The following TG variants were observed in gnomAD, a reference collection of about 807,000 sequenced individuals.
The protein encoded by TG is thyroglobulin, also known as thyroid hormones.
Under a neutral mutation model 324.7 loss-of-function variants are expected in TG, and 270 were observed. The observed-to-expected ratio is 0.83, with a 90% confidence interval of 0.75 to 0.92. The LOEUF (loss-of-function observed/expected upper bound fraction) is 0.92, where lower values mean the gene tolerates loss of function less well. Ranked by LOEUF, TG falls within the 40% of genes least tolerant of loss-of-function variation. TG has a pLI of 0.00. For synonymous variants in TG, 1,401 were observed against 1,327.0 expected, an observed-to-expected ratio of 1.06 and a Z score of -1.21; for missense variants, 3,591 against 3,456.4, an observed-to-expected ratio of 1.04 and a Z score of -0.98.
intron 43 of TG, chr8:133,102,552 C>G: frequency 3.9e-6 from 6 of 1,551,652 alleles, no homozygotes; most frequent in Non-Finnish European, 5.2e-6. Context: ...TAGCAACCTA[C>G]CGGTGGAGCA....
chr8:132,930,039 C>A (rs1471025262), intron 23 of TG, among the ~76,000 whole-genome samples: 2 of 152,206 alleles, frequency 1.3e-5, no homozygotes, highest in East Asian at 3.9e-4. Context: ...TCTATTTTTG[C>A]CATTTTAACA....
chr8:132,996,539 A>C (rs1481204205), intron 35 of TG, among the ~76,000 whole-genome samples: 1 of 135,600 alleles, frequency 7.4e-6, no homozygotes. Flanking sequence ...TTCTATTGCC[A>C]ATTTTTTTTT....
Position 132,913,071 on chromosome 8 carries a change from T to G in TG, c.4184T>G (p.Leu1395Arg), listed in dbSNP as rs761267740. Residue 1395 changes from leucine (L) to arginine (R), a missense_variant, in exon 20 of 48, where the codon CTC becomes CGC. By Grantham distance (102) the Leu-to-Arg change is moderately radical. Coordinates refer to ENST00000220616, the MANE Select transcript of TG (RefSeq NM_003235.5). ...GAGAGAGCCTTGGTGGGCAAGGATC[T>G]CCTTGGGCGCTTCACAGATCTGATC... is the stretch of plus-strand genomic sequence containing the variant. The part of the protein sequence containing the change: ...DIERALVGKD[L>R]LGRFTDLIQS... The G allele has an allele frequency of 6.2e-7, 1 of 1,614,192 alleles. No homozygotes were observed.
Position 132,886,345 on chromosome 8 carries a change from A to T in TG, c.1076-103A>T, listed in dbSNP as rs533594047. 8 of 1,500,916 alleles carry T rather than the reference A, an allele frequency of 5.3e-6. No individual in the cohort carries two copies. In the African/African-American group the frequency reaches 5.5e-5, roughly 10 times the overall value. 93.0% of individuals were successfully genotyped at this position (1,500,916 alleles called of 1,614,324 possible). On this transcript the variant is annotated intron_variant, in intron 8 of 47. Coordinates refer to ENST00000220616, the MANE Select transcript of TG (RefSeq NM_003235.5). Reference sequence around the variant, plus strand: ...GTGGTTTCAAACGTAGGTGTCCTTGATTGAATGTTCTGGCTTCTTACTACC... The same window carrying T: ...GTGGTTTCAAACGTAGGTGTCCTTGTTTGAATGTTCTGGCTTCTTACTACC...
intron 35 of TG, among the ~76,000 whole-genome samples, chr8:132,988,484 A>G (rs2130743303): frequency 6.6e-6 from 1 of 152,302 alleles, no homozygotes; most frequent in East Asian, 1.9e-4. Context: ...CAGGGCTTGA[A>G]GCAGTGGAAC....
At chr8:133,025,334 A>G (rs1027063042) in intron 40 of TG, among the ~76,000 whole-genome samples, 2 of 152,254 alleles carry the variant, frequency 1.3e-5, no homozygotes, top group African/African-American at 4.8e-5. Flanking sequence ...CAAAGGGGCC[A>G]GCCCTTGATC....
intron 35 of TG, among the ~76,000 whole-genome samples, chr8:132,993,385 G>A (rs940331035): frequency 6.6e-6 from 1 of 152,200 alleles, no homozygotes; most frequent in African/African-American, 2.4e-5. Flanking sequence ...ACCTTGGCCA[G>A]TTTAAAGAAT....
chr8:132,972,813 T>C, intron 34 of TG, 72 bp downstream of exon 34: 2 of 1,588,484 alleles, frequency 1.3e-6, no homozygotes, highest in Non-Finnish European at 8.6e-7. Context: ...ATTAGGACAA[T>C]ATTCTTGGAT....
chr8:132,884,417 G>A (rs1370293888), intron 8 of TG, among the ~76,000 whole-genome samples: 1 of 152,192 alleles, frequency 6.6e-6, no homozygotes, highest in East Asian at 1.9e-4. Flanking sequence ...AAGCTGGGTA[G>A]ATTTTAAAAG....
chr8:133,009,209 C>T (rs147131764), intron 35 of TG, among the ~76,000 whole-genome samples: 3 of 152,322 alleles, frequency 2.0e-5, no homozygotes, highest in East Asian at 1.9e-4. Context: ...GCCCTAAAAC[C>T]CTTTCATAGA....
intron 8 of TG, chr8:132,883,366 T>G: frequency 3.5e-6 from 1 of 284,070 alleles, no homozygotes; most frequent in Non-Finnish European, 6.8e-6. Context: ...TTAGGAAGAA[T>G]GCATGGAAGA....
intron 46 of TG, 58 bp from the exon 47 acceptor site, chr8:133,133,412 G>C: frequency 2.0e-6 from 3 of 1,538,088 alleles, no homozygotes; most frequent in Non-Finnish European, 2.7e-6. Flanking sequence ...AGTGATTCAG[G>C]TGATGAAAGG....
In TG at chr8:132,977,725, C is replaced by T. The variant is rs535990853; in HGVS notation, c.6199+4984C>T. ...AGAATAGCACGGGAAAGACCCACTC[C>T]CATGATTCAATCATCTCCCACCAGG... On this transcript the variant is annotated intron_variant, in intron 34 of 47. Coordinates refer to ENST00000220616, the MANE Select transcript of TG (RefSeq NM_003235.5). 2.0e-5 allele frequency among the ~76,000 whole-genome samples: 3 copies of T among 152,272 alleles called. 1 individual carries two copies. In the South Asian group the frequency reaches 6.2e-4, roughly 32 times the overall value.
chr8:132,989,198 C>T (rs1271706113), intron 35 of TG, among the ~76,000 whole-genome samples: 1 of 152,174 alleles, frequency 6.6e-6, no homozygotes, highest in Non-Finnish European at 1.5e-5. Flanking sequence ...TGGGTCCCTC[C>T]CACAACACGT....
chr8:133,089,487 C>T (rs1478807447), intron 41 of TG, among the ~76,000 whole-genome samples: 2 of 152,206 alleles, frequency 1.3e-5, no homozygotes, highest in Non-Finnish European at 2.9e-5. Flanking sequence ...ATGGATTCCT[C>T]ATTGCCCGTT....
intron 5 of TG, among the ~76,000 whole-genome samples, chr8:132,878,524 G>T (rs910431058): frequency 6.6e-6 from 1 of 151,010 alleles, no homozygotes; most frequent in African/African-American, 2.4e-5. Flanking sequence ...GCTGAGGCAG[G>T]AGAATCACTT....
chr8:133,026,130 C>A (rs1443828396), intron 40 of TG, among the ~76,000 whole-genome samples: 1 of 152,222 alleles, frequency 6.6e-6, no homozygotes, highest in East Asian at 1.9e-4. Flanking sequence ...AGAGCTGCCT[C>A]CTGATCTCAG....
At position 132,951,641 on chromosome 8, in the gene TG, G is replaced by A. The variant is rs182904074; in HGVS notation, c.5401+2698G>A. Among the ~76,000 whole-genome samples the A allele has an allele frequency of 1.3e-3, 191 of 152,218 alleles. 1 individual carries two copies. The highest frequency in any genetic ancestry group is 2.2e-3 in the Non-Finnish European group (150 of 68,012). ...ATATGTGTGTGTGTATTGTGGGTGA[G>A]GGCAAGGCTTTAAGAAGTGTGCACT... On this transcript the variant is annotated intron_variant, in intron 27 of 47. Transcript: ENST00000220616.
At chr8:133,046,224 G>C (rs78804548) in intron 41 of TG, among the ~76,000 whole-genome samples, 6,502 of 152,326 alleles carry the variant, frequency 0.043, 178 homozygotes, top group Middle Eastern at 0.088. Flanking sequence ...GGAGCTGATT[G>C]ATTATTTGCT....
Sources: allele counts gnomAD v4.1 joint callset (sites outside exome capture counted in the v4.1 genomes callset), GRCh38; gene constraint gnomAD v4.1.1; transcripts MANE v1.5; gene names NCBI Gene and HGNC (gene_info 2026-07-23, HGNC 2026-07-21).